The following MTA3 variants were observed in gnomAD, a reference collection of about 807,000 sequenced individuals.
The protein encoded by MTA3 is metastasis associated 1 family member 3.
A neutral mutation model predicts 83.5 loss-of-function variants in MTA3; 34 were observed. The ratio of observed to expected loss-of-function variants is 0.41; its 90% confidence interval spans 0.31 to 0.54. The LOEUF (loss-of-function observed/expected upper bound fraction) is 0.54. MTA3 is among the 20% of genes least tolerant of loss of function. MTA3 has a pLI of 0.33. For synonymous variants in MTA3, 303 were observed against 252.7 expected, an observed-to-expected ratio of 1.20 and a Z score of -1.89; for missense variants, 761 against 726.4, an observed-to-expected ratio of 1.05 and a Z score of -0.55.
rs539927737 is a variant in MTA3 at position 42,610,501 on chromosome 2, C to T, written c.317+917C>T. 3.3e-5 allele frequency among the ~76,000 whole-genome samples: 5 copies of T among 152,256 alleles called. No individual in the cohort carries two copies. The South Asian group carries it at 6.2e-4, about 19-fold the overall frequency. On this transcript the variant is annotated intron_variant, in intron 4 of 16. Coordinates refer to ENST00000405094, the MANE Select transcript of MTA3 (RefSeq NM_001330442.2). Reference sequence around the variant, plus strand: ...TTCCATTAATTAAATTCTTTTTCTACTGCAGAAAAAACAAAAAGTGAAAAA... The same window carrying T: ...TTCCATTAATTAAATTCTTTTTCTATTGCAGAAAAAACAAAAAGTGAAAAA...
rs1396721158 is a variant in MTA3 at position 42,548,833 on chromosome 2, T to TATATATATATAATATATATATATATATA, written c.-140-21593_-140-21592insATATATATATATATATAATATATATATA. ...AAAATATATATATATATATATAATATATATATATATATAATATATATATAT... is the reference window on the plus strand; with the variant it reads ...AAAATATATATATATATATATAATATATATATATATAATATATATATATATATAATATATATATATAATATATATATAT... On this transcript the variant is annotated intron_variant, in intron 2 of 17. Coordinates refer to the MTA3 transcript ENST00000405592. 1.6e-3 allele frequency among the ~76,000 whole-genome samples: 18 copies of TATATATATATAATATATATATATATATA among 11,512 alleles called. 1 individual carries two copies. In the East Asian group the frequency reaches 0.035, roughly 22 times the overall value. 7.6% of individuals were successfully genotyped at this position (11,512 alleles called of 152,430 possible).
At chr2:42,701,743 C>G (rs1217404353) in intron 11 of MTA3, among the ~76,000 whole-genome samples, 1 of 151,056 alleles carries the variant, frequency 6.6e-6, no homozygotes, top group Non-Finnish European at 1.5e-5. Context: ...TGGTGAAACC[C>G]CGTCTCTACT....
chr2:42,661,115 C>G (rs1689657034), intron 8 of MTA3, among the ~76,000 whole-genome samples: 1 of 152,166 alleles, frequency 6.6e-6, no homozygotes, highest in Non-Finnish European at 1.5e-5. Context: ...TCCATTGGGA[C>G]ATTAATATTT....
At chr2:42,745,824 C>CTTTTTTTTTTTTTTTTTTTCTTT (rs146921280) in intron 16 of MTA3, among the ~76,000 whole-genome samples, 1 of 119,372 alleles carries the variant, frequency 8.4e-6, no homozygotes, top group Non-Finnish European at 1.7e-5. Flanking sequence ...AAATAGTCCT[C>CTTTTTTTTTTTTTTTTTTTCTTT]TTTTTTTTGA....
chr2:42,629,074 G>A (rs760379865), intron 4 of MTA3, among the ~76,000 whole-genome samples: 4 of 151,968 alleles, frequency 2.6e-5, no homozygotes, highest in Non-Finnish European at 5.9e-5. Context: ...GTGGATGATA[G>A]AGCAATATAT....
chr2:42,651,647 A>G (rs113974748), intron 6 of MTA3, among the ~76,000 whole-genome samples: 16 of 151,960 alleles, frequency 1.1e-4, no homozygotes, highest in African/African-American at 3.9e-4. Flanking sequence ...AATACAAAAA[A>G]TTAGCTGGGC....
At chr2:42,644,694 C>A (rs894941918) in intron 6 of MTA3, among the ~76,000 whole-genome samples, 3 of 152,142 alleles carry the variant, frequency 2.0e-5, no homozygotes, top group African/African-American at 7.2e-5. Context: ...TTTGGTAATT[C>A]TTGAAACATT....
chr2:42,701,420 A>AT (rs1665540017), intron 11 of MTA3, among the ~76,000 whole-genome samples: 1 of 84,508 alleles, frequency 1.2e-5, no homozygotes, highest in African/African-American at 7.2e-5. Context: ...CCCTGTATCT[A>AT]TCAAAAAAAA....
Position 42,614,258 on chromosome 2 carries a change from C to G in MTA3, c.317+4674C>G, listed in dbSNP as rs191380931. 306 of 152,062 alleles carry G rather than the reference C, an allele frequency of 2.0e-3. 1 individual carries two copies. Among genetic ancestry groups the G allele is most frequent in the Non-Finnish European group, 3.7e-3 (253 of 68,012 alleles). The allele number at this position is 152,062 out of a possible 1,614,324, so 9.4% of individuals were successfully genotyped here. A position where few individuals can be genotyped will look rare whatever the true frequency, so the allele number is the denominator to read the frequency against. On this transcript the variant is annotated intron_variant, in intron 4 of 16. Transcript: ENST00000405094. ...GATTACAGGCAAGTGCCAGCACACC[C>G]GGCTAATTTTGTATTTTTAGTACAG...
intron 8 of MTA3, among the ~76,000 whole-genome samples, chr2:42,674,925 T>C (rs913339000): frequency 6.6e-6 from 1 of 151,352 alleles, no homozygotes; most frequent in Admixed American, 6.6e-5. Flanking sequence ...CTTTTTTTTT[T>C]AATATAGGCA....
At chr2:42,611,445 C>T (rs1048917405) in intron 4 of MTA3, among the ~76,000 whole-genome samples, 1 of 152,026 alleles carries the variant, frequency 6.6e-6, no homozygotes, top group Admixed American at 6.6e-5. Context: ...GATAAAGATA[C>T]TGGAATTTCT....
chr2:42,638,421 C>T (rs1452072213), intron 4 of MTA3, among the ~76,000 whole-genome samples: 1 of 151,730 alleles, frequency 6.6e-6, no homozygotes, highest in Admixed American at 6.6e-5. Flanking sequence ...CAGGGTCTTG[C>T]TCTTTTGCCC....
chr2:42,646,825 G>A (rs998685817), intron 6 of MTA3, among the ~76,000 whole-genome samples: 1 of 152,166 alleles, frequency 6.6e-6, no homozygotes, highest in South Asian at 2.1e-4. Flanking sequence ...AGTTGGCAAA[G>A]CAGTGGCAGG....
intron 4 of MTA3, chr2:42,613,834 G>C (rs1036922348): frequency 6.6e-6 from 1 of 152,170 alleles, no homozygotes; most frequent in African/African-American, 2.4e-5. Context: ...GGACTTTTCG[G>C]AGTAGAGTTA....
chr2:42,716,000 T>C (rs963597524), intron 14 of MTA3, among the ~76,000 whole-genome samples: 7 of 152,240 alleles, frequency 4.6e-5, no homozygotes, highest in Admixed American at 4.6e-4. Flanking sequence ...AATTATGTAG[T>C]GTTAACTCAA....
chr2:42,730,861 T>C (rs1322216567), intron 16 of MTA3, among the ~76,000 whole-genome samples: 4 of 152,302 alleles, frequency 2.6e-5, no homozygotes, highest in African/African-American at 9.6e-5. Context: ...TAGGAGACTT[T>C]TTATTATGGC....
intron 3 of MTA3, among the ~76,000 whole-genome samples, chr2:42,590,737 C>T (rs1680889265): frequency 6.6e-6 from 1 of 151,450 alleles, no homozygotes; most frequent in Non-Finnish European, 1.5e-5. Context: ...TCTCCCACCT[C>T]AGCCTCCTGA....
chr2:42,619,131 A>C (rs1685248073), intron 4 of MTA3, among the ~76,000 whole-genome samples: 1 of 152,230 alleles, frequency 6.6e-6, no homozygotes. Flanking sequence ...CGGAACAGCA[A>C]GAGGAGAGAG....
intron 4 of MTA3, among the ~76,000 whole-genome samples, chr2:42,635,687 A>G (rs960726426): frequency 6.6e-6 from 1 of 152,172 alleles, no homozygotes; most frequent in African/African-American, 2.4e-5. Flanking sequence ...TCAATAAAAA[A>G]ATGTCTTTCT....
Sources: allele counts gnomAD v4.1 joint callset (sites outside exome capture counted in the v4.1 genomes callset), GRCh38; gene constraint gnomAD v4.1.1; transcripts MANE v1.5; gene names NCBI Gene and HGNC (gene_info 2026-07-23, HGNC 2026-07-21).